The following CSMD1 variants were observed in gnomAD, a reference collection of about 807,000 sequenced individuals.
CSMD1 encodes CUB and Sushi multiple domains 1.
A neutral mutation model predicts 417.5 loss-of-function variants in CSMD1; 213 were observed. The observed-to-expected ratio is 0.51, with a 90% CI of 0.46 to 0.57. The LOEUF (loss-of-function observed/expected upper bound fraction) is 0.57, where lower values mean the gene tolerates loss of function less well. CSMD1 is among the 20% of genes least tolerant of loss of function. CSMD1 has a pLI of 0.00. For missense variants in CSMD1, 6,923 were observed against 4,529.7 expected, an observed-to-expected ratio of 1.53 and a Z score of -15.17; for synonymous variants, 2,862 against 1,736.8, an observed-to-expected ratio of 1.65 and a Z score of -16.11.
rs1799878605 is a variant in CSMD1 at position 3,569,978 on chromosome 8, C to A, written c.1344+4967G>T. On this transcript the variant is annotated intron_variant, in intron 10 of 69. Coordinates refer to ENST00000635120, the MANE Select transcript of CSMD1 (RefSeq NM_033225.6). ...AAATTTAATGTGTTAATTATTAAGTCCTCACAATCAAGAAAATATATACAA... is the reference window on the plus strand; with the variant it reads ...AAATTTAATGTGTTAATTATTAAGTACTCACAATCAAGAAAATATATACAA... Among the ~76,000 whole-genome samples, 4 of 152,140 alleles carry A rather than the reference C, an allele frequency of 2.6e-5. No homozygotes were observed. In the South Asian group the frequency reaches 8.3e-4, roughly 32 times the overall value.
intron 5 of CSMD1, among the ~76,000 whole-genome samples, chr8:3,907,190 T>C (rs771760839): frequency 6.6e-6 from 1 of 152,180 alleles, no homozygotes; most frequent in Admixed American, 6.5e-5. Context: ...GTTACCTGAA[T>C]CAGCGATCTG....
intron 8 of CSMD1, among the ~76,000 whole-genome samples, chr8:3,609,009 C>G (rs1470927978): frequency 3.3e-5 from 5 of 152,168 alleles, no homozygotes; most frequent in Non-Finnish European, 2.9e-5. Flanking sequence ...ACACTACACA[C>G]CCCTTTCCAG....
chr8:4,245,618 G>A (rs371975138), intron 3 of CSMD1, among the ~76,000 whole-genome samples: 1 of 152,102 alleles, frequency 6.6e-6, no homozygotes, highest in Non-Finnish European at 1.5e-5. Flanking sequence ...GGTCAACAAT[G>A]TCATAATCAA....
At chr8:3,601,053 A>G (rs980875668) in intron 8 of CSMD1, among the ~76,000 whole-genome samples, 7 of 152,176 alleles carry the variant, frequency 4.6e-5, no homozygotes, top group Non-Finnish European at 7.3e-5. Context: ...ATCCCGCATG[A>G]TATCGTGGCA....
intron 1 of CSMD1, among the ~76,000 whole-genome samples, chr8:4,683,991 C>G (rs565858521): frequency 1.3e-5 from 2 of 152,168 alleles, no homozygotes; most frequent in African/African-American, 4.8e-5. Context: ...TATTCAGTAT[C>G]ACTGACTGAG....
At chr8:3,551,950 T>C (rs1450100032) in intron 10 of CSMD1, among the ~76,000 whole-genome samples, 1 of 152,146 alleles carries the variant, frequency 6.6e-6, no homozygotes, top group African/African-American at 2.4e-5. Flanking sequence ...AAGATGAGGC[T>C]GCCACTGTGG....
At chr8:4,176,102 T>G (rs1022456779) in intron 3 of CSMD1, among the ~76,000 whole-genome samples, 1 of 152,070 alleles carries the variant, frequency 6.6e-6, no homozygotes, top group Admixed American at 6.5e-5. Flanking sequence ...CCTGCTACCT[T>G]CTTGTAGACA....
chr8:4,166,981 C>A (rs1797493106), intron 3 of CSMD1, among the ~76,000 whole-genome samples: 2 of 152,188 alleles, frequency 1.3e-5, no homozygotes, highest in South Asian at 4.1e-4. Flanking sequence ...ACTGTGCTTT[C>A]TGCCTGCCCC....
At chr8:4,095,721 A>T (rs1402182748) in intron 3 of CSMD1, among the ~76,000 whole-genome samples, 2 of 152,206 alleles carry the variant, frequency 1.3e-5, no homozygotes, top group Admixed American at 1.3e-4. Context: ...CCGTACTTCA[A>T]TTTGTTCAAG....
intron 1 of CSMD1, among the ~76,000 whole-genome samples, chr8:4,829,547 G>A (rs1405286141): frequency 6.6e-6 from 1 of 152,028 alleles, no homozygotes; most frequent in African/African-American, 2.4e-5. Flanking sequence ...TTCAAGAGCA[G>A]TCTGGGCAAC....
intron 1 of CSMD1, among the ~76,000 whole-genome samples, chr8:4,644,480 C>T (rs559336594): frequency 3.9e-5 from 6 of 152,148 alleles, no homozygotes; most frequent in Non-Finnish European, 7.3e-5. Flanking sequence ...TATCTTAGCT[C>T]ACTGCAGCCT....
intron 5 of CSMD1, among the ~76,000 whole-genome samples, chr8:3,964,990 G>A (rs973023223): frequency 2.0e-5 from 3 of 152,096 alleles, no homozygotes. Flanking sequence ...AACTCTCTAG[G>A]CCACGGTTTT....
intron 4 of CSMD1, among the ~76,000 whole-genome samples, chr8:4,009,283 T>G (rs1185865250): frequency 1.3e-5 from 2 of 152,234 alleles, no homozygotes; most frequent in Non-Finnish European, 2.9e-5. Context: ...AGTGTATTTC[T>G]CAACTCTAGA....
chr8:4,325,933 C>G (rs1211591164), intron 3 of CSMD1, among the ~76,000 whole-genome samples: 2 of 152,096 alleles, frequency 1.3e-5, no homozygotes, highest in African/African-American at 2.4e-5. Context: ...GGCTGGGGCA[C>G]CTTTTTCTGT....
rs565207368 is a variant in CSMD1, at chr8:3,583,334, G to A, written c.1222+2802C>T. 1.4e-4 allele frequency among the ~76,000 whole-genome samples: 21 copies of A among 152,084 alleles called. No homozygotes were observed. In the East Asian group the frequency reaches 3.7e-3, roughly 27 times the overall value. ...TGGAACCGGGTTGTGGGTCAGAGCT[G>A]CATGGTTTTGGGGAGTGTCATAGAG... On this transcript the variant is annotated intron_variant, in intron 9 of 69. Coordinates refer to ENST00000635120, the MANE Select transcript of CSMD1 (RefSeq NM_033225.6).
chr8:4,061,895 T>G (rs1174504684), intron 3 of CSMD1, among the ~76,000 whole-genome samples: 5 of 152,122 alleles, frequency 3.3e-5, no homozygotes, highest in Non-Finnish European at 5.9e-5. Context: ...AGCATACTGG[T>G]AAAGTGAATA....
At chr8:3,396,164 G>T (rs1339470950) in intron 17 of CSMD1, 30 bp downstream of exon 17, 2 of 1,541,450 alleles carry the variant, frequency 1.3e-6, no homozygotes, top group East Asian at 2.4e-5. Context: ...ATGCTGCCCT[G>T]CCGGGCTGTC....
intron 3 of CSMD1, among the ~76,000 whole-genome samples, chr8:4,275,613 G>C (rs1796441037): frequency 1.3e-5 from 2 of 152,050 alleles, no homozygotes; most frequent in East Asian, 1.9e-4. Context: ...TTTAACCTCA[G>C]CATACAAAAA....
chr8:4,175,869 C>A (rs928599351), intron 3 of CSMD1, among the ~76,000 whole-genome samples: 1 of 152,102 alleles, frequency 6.6e-6, no homozygotes, highest in African/African-American at 2.4e-5. Context: ...TGTTACCAAG[C>A]GAGTAATGGG....
Sources: gnomAD v4.1 joint callset for allele counts (sites outside exome capture counted in the v4.1 genomes callset) on GRCh38, gnomAD v4.1.1 for gene constraint, MANE v1.5 for transcripts, NCBI Gene and HGNC (gene_info 2026-07-23, HGNC 2026-07-21) for gene names.